Variants in PSD3 observed in about 807,000 individuals in gnomAD.
PSD3 encodes PH and SEC7 domain-containing protein 3.
In PSD3, 49 loss-of-function variants were observed where a neutral mutation model predicts 105.5. That is an observed-to-expected ratio of 0.46 (90% CI 0.37 to 0.59). The LOEUF is 0.59. Ranked by LOEUF, PSD3 falls within the 20% of genes least tolerant of loss-of-function variation. The pLI, the probability that PSD3 is intolerant of heterozygous loss-of-function variation, is 0.00. For synonymous variants in PSD3, 557 were observed against 457.8 expected, an observed-to-expected ratio of 1.22 and a Z score of -2.77; for missense variants, 1,561 against 1,263.8, an observed-to-expected ratio of 1.24 and a Z score of -3.57.
At chr8:18,562,535 A>C (rs1478784656) in intron 14 of PSD3, among the ~76,000 whole-genome samples, 1 of 152,142 alleles carries the variant, frequency 6.6e-6, no homozygotes, top group East Asian at 1.9e-4. Context: ...CCTCTGCTAT[A>C]GCTCTCAAAC....
chr8:18,543,225 T>C (rs1800247678), intron 15 of PSD3, among the ~76,000 whole-genome samples: 1 of 152,136 alleles, frequency 6.6e-6, no homozygotes, highest in Admixed American at 6.5e-5. Flanking sequence ...CTTTGTCTAC[T>C]CAAGTAAAAT....
intron 2 of PSD3, among the ~76,000 whole-genome samples, chr8:18,899,554 G>A (rs993183027): frequency 6.6e-6 from 1 of 151,958 alleles, no homozygotes; most frequent in Non-Finnish European, 1.5e-5. Context: ...TGGTCCTTAT[G>A]ACCCCCTGAT....
At chr8:19,065,236 T>C (rs190546427) in intron 1 of PSD3, among the ~76,000 whole-genome samples, 77 of 152,354 alleles carry the variant, frequency 5.1e-4, no homozygotes, top group African/African-American at 1.9e-3. Context: ...TTTCTGCTCT[T>C]ACCATAACAA....
chr8:18,877,980 C>T (rs1040905621), intron 2 of PSD3, among the ~76,000 whole-genome samples: 3 of 152,128 alleles, frequency 2.0e-5, no homozygotes, highest in Non-Finnish European at 2.9e-5. Context: ...CCTTGAATTT[C>T]CCATTACTTT....
chr8:18,947,330 C>G (rs1434329811), intron 1 of PSD3, among the ~76,000 whole-genome samples: 1 of 152,182 alleles, frequency 6.6e-6, no homozygotes, highest in African/African-American at 2.4e-5. Context: ...CGGTCCTCAC[C>G]CAGTCATCAT....
At chr8:18,784,201 T>C (rs1000447180) in intron 8 of PSD3, among the ~76,000 whole-genome samples, 2 of 152,226 alleles carry the variant, frequency 1.3e-5, no homozygotes, top group Admixed American at 1.3e-4. Context: ...TGTTCAAGTC[T>C]ATTTCCTTGT....
intron 14 of PSD3, chr8:18,557,426 A>G (rs1438584658): frequency 2.0e-5 from 3 of 153,512 alleles, no homozygotes; most frequent in Non-Finnish European, 2.9e-5. Flanking sequence ...AATTAGAAGA[A>G]AACGTGTCCA....
chr8:18,804,845 G>A lies in PSD3; in HGVS notation c.1688C>T (p.Thr563Ile), dbSNP rs142032665. The change falls in exon 5 of 16, where the codon ACT becomes ATT. Residue 563 changes from threonine (T) to isoleucine (I), a missense_variant. Thr to Ile is a moderately conservative substitution (Grantham distance 89). Coordinates refer to ENST00000327040, the MANE Select transcript of PSD3 (RefSeq NM_015310.4). ...TGGGGTCTCCTTTTCCAAAATTTCA[G>A]TGCTCCCCATTTCAGAATGAGCTTC... ...RLEAHSEMGS[T>I]EILEKETPEN... 8.5e-4 allele frequency: 1,365 copies of A among 1,613,474 alleles called. 2 individuals carry two copies. The highest frequency in any genetic ancestry group is 1.0e-3 in the Non-Finnish European group (1,228 of 1,179,488).
intron 10 of PSD3, among the ~76,000 whole-genome samples, chr8:18,654,978 C>G (rs6982118): frequency 0.97 from 148,084 of 152,204 alleles, 72,171 homozygotes; most frequent in East Asian, 1. Flanking sequence ...TTACATTTTG[C>G]AATACACACT....
intron 1 of PSD3, among the ~76,000 whole-genome samples, chr8:19,008,767 G>A (rs1429671857): frequency 6.6e-6 from 1 of 152,136 alleles, no homozygotes; most frequent in East Asian, 1.9e-4. Flanking sequence ...CTTTTTCTTA[G>A]CAAAGGTCTG....
At chr8:18,604,123 G>C (rs940741024) in intron 11 of PSD3, among the ~76,000 whole-genome samples, 2 of 128,096 alleles carry the variant, frequency 1.6e-5, no homozygotes, top group Admixed American at 1.5e-4. Flanking sequence ...GGAGGGCTCA[G>C]AATAATACAG....
chr8:18,743,821 T>G lies in PSD3; in HGVS notation c.2172+21628A>C, dbSNP rs566906008. Among the ~76,000 whole-genome samples the G allele has an allele frequency of 3.3e-5, 5 of 150,584 alleles. No homozygotes were observed. In the South Asian group the frequency reaches 6.3e-4, roughly 19 times the overall value. ...AAAATTAGCTAGGCTTGGTGGCACA[T>G]GCCTGCAGTCCCAGCTACTTTGAGG... On this transcript the variant is annotated intron_variant, in intron 9 of 15. Coordinates refer to ENST00000327040, the MANE Select transcript of PSD3 (RefSeq NM_015310.4).
chr8:18,548,524 A>G (rs74673494), intron 15 of PSD3, among the ~76,000 whole-genome samples: 3,687 of 152,216 alleles, frequency 0.024, 68 homozygotes, highest in East Asian at 0.086. Flanking sequence ...CTATGGACAT[A>G]TCTACTCTAT....
intron 9 of PSD3, among the ~76,000 whole-genome samples, chr8:18,724,340 G>A (rs1320913461): frequency 1.3e-5 from 2 of 152,150 alleles, no homozygotes; most frequent in Non-Finnish European, 2.9e-5. Flanking sequence ...GGCCAGGTGT[G>A]GTGGCTCATG....
chr8:18,808,970 T>A (rs1380369935), intron 4 of PSD3: 1 of 1,394,370 alleles, frequency 7.2e-7, no homozygotes, highest in Non-Finnish European at 9.4e-7. Context: ...TCTGTAATGT[T>A]TCTGCAGTTC....
chr8:18,778,417 CA>C (rs1333686789), intron 8 of PSD3, among the ~76,000 whole-genome samples: 1 of 152,090 alleles, frequency 6.6e-6, no homozygotes, highest in Non-Finnish European at 1.5e-5. Flanking sequence ...GAAGAAAGGA[CA>C]ATTTGAATTC....
At chr8:18,999,435 T>G (rs2410597) in intron 1 of PSD3, among the ~76,000 whole-genome samples, 3,558 of 151,870 alleles carry the variant, frequency 0.023, 188 homozygotes, top group African/African-American at 0.082. Context: ...TCTGCCCACA[T>G]GACTGAGGTG....
intron 8 of PSD3, among the ~76,000 whole-genome samples, chr8:18,797,263 C>T (rs549968291): frequency 5.3e-5 from 8 of 152,240 alleles, no homozygotes; most frequent in African/African-American, 1.9e-4. Context: ...CTACTTATCA[C>T]CAAACACATG....
chr8:18,653,085 C>G (rs568058629), intron 10 of PSD3, among the ~76,000 whole-genome samples: 25 of 152,294 alleles, frequency 1.6e-4, no homozygotes, highest in African/African-American at 5.8e-4. Flanking sequence ...AGCTAGCATT[C>G]ATTCCAAGAC....
Sources: allele counts gnomAD v4.1 joint callset (sites outside exome capture counted in the v4.1 genomes callset), GRCh38; gene constraint gnomAD v4.1.1; transcripts MANE v1.5; gene names NCBI Gene and HGNC (gene_info 2026-07-23, HGNC 2026-07-21).